The following SPTA1 variants were observed in gnomAD, a reference collection of about 807,000 sequenced individuals.
The protein encoded by SPTA1 is spectrin alpha, erythrocytic 1, also known as spectrin alpha chain, erythrocytic 1.
SPTA1 carries 177 observed loss-of-function variants against 324.7 expected under a neutral mutation model. The observed-to-expected ratio is 0.55, with a 90% CI of 0.48 to 0.62. SPTA1 has a LOEUF of 0.62. SPTA1 is among the 20% of genes least tolerant of loss of function. The pLI, the probability that SPTA1 is intolerant of heterozygous loss-of-function variation, is 0.00. For missense variants in SPTA1, 3,162 were observed against 2,883.6 expected (o/e 1.10, Z -2.21); for synonymous variants, 1,195 against 1,041.3 (o/e 1.15, Z -2.84).
At position 158,626,944 on chromosome 1, in the gene SPTA1, T is replaced by C. The variant is rs776969524; in HGVS notation, c.5728A>G (p.Thr1910Ala). 6.2e-7 allele frequency: 1 copy of C among 1,613,890 alleles called. No homozygotes were observed. The highest frequency in any genetic ancestry group is 2.2e-5 in the East Asian group (1 of 44,862). The change falls in exon 41 of 52, where the codon ACC becomes GCC. Residue 1910 changes from threonine (T) to alanine (A), a missense_variant. Thr to Ala is a moderately conservative substitution (Grantham distance 58). Transcript: ENST00000643759. ...GCTATTGCCTTAGCCAGAGAAGGGGTCTTTTCATTCAGAGCCTCTATCTTG... is the reference window on the plus strand; with the variant it reads ...GCTATTGCCTTAGCCAGAGAAGGGGCCTTTTCATTCAGAGCCTCTATCTTG... ...SSKIEALNEKTPSLAKAIAAW... is the reference protein window; with the variant it reads ...SSKIEALNEKAPSLAKAIAAW...
intron 33 of SPTA1, among the ~76,000 whole-genome samples, chr1:158,641,780 C>T (rs7545229): frequency 0.34 from 51,715 of 151,980 alleles, 9,347 homozygotes; most frequent in African/African-American, 0.46. Context: ...GAACTAGAAA[C>T]ACCATTTGAC....
At chr1:158,678,216 G>T (rs1261089106) in intron 6 of SPTA1, among the ~76,000 whole-genome samples, 185 bp downstream of exon 6, 2 of 152,012 alleles carry the variant, frequency 1.3e-5, no homozygotes, top group African/African-American at 2.4e-5. Context: ...CTACATCCTT[G>T]GCCATAGAGT....
intron 18 of SPTA1, among the ~76,000 whole-genome samples, chr1:158,660,569 T>A (rs1363125293): frequency 2.0e-5 from 3 of 152,106 alleles, no homozygotes; most frequent in Admixed American, 2.0e-4. Context: ...AATCTACAAG[T>A]ATAGTTGAAG....
At position 158,615,777 on chromosome 1, in the gene SPTA1, A is replaced by T. The variant is rs146050474; in HGVS notation, c.6601-374T>A. ...GCCAATAAAGAAAAATAAAATTTCC[A>T]GAGTCCATGCATCATCAATGGCTCA... On this transcript the variant is annotated intron_variant, in intron 47 of 51. Coordinates refer to ENST00000643759, the MANE Select transcript of SPTA1 (RefSeq NM_003126.4). Among the ~76,000 whole-genome samples the T allele has an allele frequency of 4.6e-5, 7 of 152,316 alleles. No homozygotes were observed. In the East Asian group the frequency reaches 1.3e-3, roughly 29 times the overall value.
At chr1:158,683,522 GTC>G in intron 2 of SPTA1, 26 bp from the exon 3 acceptor site, 1 of 1,612,052 alleles carries the variant, frequency 6.2e-7, no homozygotes, top group South Asian at 1.1e-5. Flanking sequence ...CAGAGTTTTT[GTC>G]TAATGAAGCA....
At chr1:158,681,747 C>T (rs1378054611) in intron 3 of SPTA1, 80 bp from the exon 4 acceptor site, 3 of 1,587,416 alleles carry the variant, frequency 1.9e-6, no homozygotes, top group Non-Finnish European at 8.6e-7. Context: ...CAGAAAGAGA[C>T]CTGGATAAAA....
intron 14 of SPTA1, 70 bp from the exon 15 acceptor site, chr1:158,668,132 G>T (rs1653747404): frequency 1.3e-6 from 2 of 1,505,720 alleles, no homozygotes; most frequent in East Asian, 4.5e-5. Context: ...TTGAGAATAA[G>T]AGGTTACTTC....
rs1651236399 is a variant in SPTA1, at chr1:158,638,230, C to T, written c.4992G>A (p.Lys1664=). ...AATCTTCAGCCAATGTATTCAGGTCCTTGAGTGCATCCTAGAAAGTCTCGG... is the reference window on the plus strand; with the variant it reads ...AATCTTCAGCCAATGTATTCAGGTCTTTGAGTGCATCCTAGAAAGTCTCGG... ...REMLAREDAL[K]DLNTLAEDLL... The change falls in exon 36 of 52, where the codon AAG becomes AAA. Residue 1664 remains lysine, a synonymous_variant. Transcript: ENST00000643759. 6.2e-7 allele frequency: 1 copy of T among 1,612,268 alleles called. No individual in the cohort carries two copies. Among genetic ancestry groups the T allele is most frequent in the Non-Finnish European group, 8.5e-7 (1 of 1,179,908 alleles).
At chr1:158,645,644 A>G (rs554825445) in intron 27 of SPTA1, 50 bp from the exon 28 acceptor site, 42 of 1,587,056 alleles carry the variant, frequency 2.6e-5, no homozygotes, top group Middle Eastern at 3.3e-4. Context: ...GCAACTTGCT[A>G]CAGTGCTGTT....
At chr1:158,676,028 C>T in intron 8 of SPTA1, 113 bp downstream of exon 8, 1 of 1,426,424 alleles carries the variant, frequency 7.0e-7, no homozygotes, top group Non-Finnish European at 9.8e-7. Flanking sequence ...ACTGAGCAGG[C>T]AGGAGAGCTG....
chr1:158,661,479 A>G lies in SPTA1; in HGVS notation c.2465-70T>C. Reference sequence around the variant, plus strand: ...TGGAAGTAGCATACCTCACTTTTTTAGAACTCTTGGACCCACAGGTTCTTT... The same window carrying G: ...TGGAAGTAGCATACCTCACTTTTTTGGAACTCTTGGACCCACAGGTTCTTT... On this transcript the variant is annotated intron_variant, in intron 17 of 51. Transcript: ENST00000643759. The G allele has an allele frequency of 4.4e-6, 7 of 1,605,422 alleles. No homozygotes were observed. In the South Asian group the frequency reaches 6.6e-5, roughly 15 times the overall value.
chr1:158,624,898 T>C (rs1278401682), intron 42 of SPTA1, among the ~76,000 whole-genome samples: 1 of 152,198 alleles, frequency 6.6e-6, no homozygotes, highest in Non-Finnish European at 1.5e-5. Context: ...TCCATTGAAA[T>C]GCCTGAAAGG....
rs1553221961 is a variant in SPTA1 at position 158,611,166 on chromosome 1, C to CACACACACAT, written c.*97_*98insATGTGTGTGT. The CACACACACAT allele has an allele frequency of 1.4e-6, 2 of 1,387,614 alleles. No individual in the cohort carries two copies. Among genetic ancestry groups the CACACACACAT allele is most frequent in the South Asian group, 1.2e-5 (1 of 84,506 alleles). The allele number at this position is 1,387,614 out of a possible 1,614,324, so 86.0% of individuals were successfully genotyped here. ...ACACACACACACACACACACACACA[C>CACACACACAT]GAGGCCATCTTTATCTTCCACATTT... On this transcript the variant is annotated 3_prime_UTR_variant, in exon 52 of 52. Coordinates refer to ENST00000643759, the MANE Select transcript of SPTA1 (RefSeq NM_003126.4).
At chr1:158,652,717 G>T (rs1571457613) in intron 22 of SPTA1, 64 bp from the exon 23 acceptor site, 1 of 1,567,854 alleles carries the variant, frequency 6.4e-7, no homozygotes, top group Non-Finnish European at 8.8e-7. Flanking sequence ...TAGAGGCTGA[G>T]TGACAAACAT....
At chr1:158,613,968 G>GTGAAT in intron 49 of SPTA1, 101 bp from the exon 50 acceptor site, 1 of 1,342,686 alleles carries the variant, frequency 7.4e-7, no homozygotes. Flanking sequence ...AAGCTTTATT[G>GTGAAT]ACCTGTCACA....
At chr1:158,660,567 A>G (rs781358175) in intron 18 of SPTA1, among the ~76,000 whole-genome samples, 3 of 152,230 alleles carry the variant, frequency 2.0e-5, no homozygotes, top group Non-Finnish European at 4.4e-5. Context: ...AAAATCTACA[A>G]GTATAGTTGA....
chr1:158,621,787 C>A (rs1275970533), intron 43 of SPTA1, among the ~76,000 whole-genome samples: 1 of 152,170 alleles, frequency 6.6e-6, no homozygotes, highest in Non-Finnish European at 1.5e-5. Flanking sequence ...TCCCTAACTC[C>A]TTGACTTAAT....
Position 158,645,409 on chromosome 1 carries a change from T to A in SPTA1, c.3997-24A>T, listed in dbSNP as rs769787188. ...TCCTGTGGGAAAAAGGGGGAAGAAA[T>A]CAGTGAGGCCAACTCCATTGGAAAT... On this transcript the variant is annotated intron_variant, in intron 28 of 51. Coordinates refer to ENST00000643759, the MANE Select transcript of SPTA1 (RefSeq NM_003126.4). 3.7e-6 allele frequency: 6 copies of A among 1,613,904 alleles called. No homozygotes were observed. The East Asian group carries it at 1.3e-4, about 36-fold the overall frequency.
intron 10 of SPTA1, among the ~76,000 whole-genome samples, chr1:158,672,940 A>T (rs572509737): frequency 0.013 from 2,021 of 151,864 alleles, 47 homozygotes; most frequent in African/African-American, 0.046. Flanking sequence ...CTACCAAAAA[A>T]AAAAAAAGTA....
Sources: gnomAD v4.1 joint callset for allele counts (sites outside exome capture counted in the v4.1 genomes callset) on GRCh38, gnomAD v4.1.1 for gene constraint, MANE v1.5 for transcripts, NCBI Gene and HGNC (gene_info 2026-07-23, HGNC 2026-07-21) for gene names.